MAF: variants seen among roughly 807,000 people sequenced by gnomAD.
MAF encodes the protein transcription factor Maf.
A neutral mutation model predicts 22.0 loss-of-function variants in MAF; 10 were observed. The observed-to-expected ratio is 0.45, with a 90% CI of 0.28 to 0.77. The LOEUF is 0.77. Among genes scored for constraint, MAF ranks in the 30% least tolerant of loss-of-function variants. MAF has a pLI of 0.12. For missense variants in MAF, 544 were observed against 548.4 expected (o/e 0.99, Z 0.08); for synonymous variants, 337 against 255.8 (o/e 1.32, Z -3.03).
chr16:79,225,169 G>C, the MAF span, among the ~76,000 whole-genome samples: 1 of 152,138 alleles, frequency 6.6e-6, no homozygotes, highest in African/African-American at 2.4e-5. Context: ...CAGATATATA[G>C]ATTAATGGAA....
the MAF span, among the ~76,000 whole-genome samples, chr16:79,258,166 G>A: frequency 6.6e-6 from 1 of 152,180 alleles, no homozygotes; most frequent in Non-Finnish European, 1.5e-5. Context: ...AAAGGAGGAG[G>A]AGTGAGACGC....
At chr16:79,401,351 C>G in the MAF span, among the ~76,000 whole-genome samples, 3 of 152,190 alleles carry the variant, frequency 2.0e-5, no homozygotes, top group Admixed American at 2.0e-4. Context: ...ATGGAACTCT[C>G]TCCTAGACCC....
chr16:79,479,537 T>G, the MAF span, among the ~76,000 whole-genome samples: 2,817 of 152,334 alleles, frequency 0.018, 39 homozygotes, highest in Non-Finnish European at 0.028. Flanking sequence ...ATAACTGCAT[T>G]TGCAAGGGAT....
At chr16:79,214,368 T>C in the MAF span, among the ~76,000 whole-genome samples, 1 of 152,266 alleles carries the variant, frequency 6.6e-6, no homozygotes, top group East Asian at 1.9e-4. Flanking sequence ...GGCTTTATGT[T>C]CAGGAAAATA....
chr16:79,488,765 A>G, the MAF span, among the ~76,000 whole-genome samples: 1 of 152,146 alleles, frequency 6.6e-6, no homozygotes, highest in Admixed American at 6.5e-5. Context: ...GCAGTGCACA[A>G]AGCAGCTTTC....
At chr16:79,581,589 T>C (rs749092), downstream of MAF, among the ~76,000 whole-genome samples, 6,186 of 152,304 alleles carry the variant, frequency 0.041, 419 homozygotes, top group African/African-American at 0.14. Context: ...TTCTCACCTC[T>C]ACTGCCTACC....
chr16:79,342,548 G>T, the MAF span, among the ~76,000 whole-genome samples: 1 of 151,856 alleles, frequency 6.6e-6, no homozygotes, highest in Admixed American at 6.6e-5. Context: ...AATCATCACC[G>T]TCACCATCTC....
chr16:79,326,625 C>G, the MAF span, among the ~76,000 whole-genome samples: 16 of 152,212 alleles, frequency 1.1e-4, no homozygotes, highest in Admixed American at 3.3e-4. Flanking sequence ...ATTTTAGGCT[C>G]TGTAGATCAC....
At chr16:79,408,911 A>T in the MAF span, among the ~76,000 whole-genome samples, 1 of 151,800 alleles carries the variant, frequency 6.6e-6, no homozygotes, top group African/African-American at 2.4e-5. Context: ...AGAAAAAAGA[A>T]TATTTTTATT....
chr16:79,279,132 G>A, the MAF span, among the ~76,000 whole-genome samples: 1 of 152,130 alleles, frequency 6.6e-6, no homozygotes, highest in Admixed American at 6.5e-5. Flanking sequence ...AGGAACCAGT[G>A]GCTTCAGGAA....
chr16:79,497,529 T>C, the MAF span, among the ~76,000 whole-genome samples: 7 of 152,184 alleles, frequency 4.6e-5, no homozygotes. Context: ...TCTTTTTTAA[T>C]TTGCCTTGCC....
chr16:79,320,500 A>G, the MAF span, among the ~76,000 whole-genome samples: 1 of 152,214 alleles, frequency 6.6e-6, no homozygotes, highest in Non-Finnish European at 1.5e-5. Context: ...GGGCAGCAGC[A>G]CCTGCAGATC....
chr16:79,594,574 A>C, intron 1 of MAF, 21 bp from the exon 2 acceptor site: 1 of 1,554,458 alleles, frequency 6.4e-7, no homozygotes, highest in Non-Finnish European at 8.7e-7. Flanking sequence ...AATGAAAGGA[A>C]TTTTAACACT....
the MAF span, among the ~76,000 whole-genome samples, chr16:79,344,976 G>T: frequency 1.3e-5 from 2 of 152,168 alleles, no homozygotes; most frequent in Non-Finnish European, 2.9e-5. Flanking sequence ...CCAGGCTGTT[G>T]TGTGACCTCA....
At chr16:79,259,623 C>T in the MAF span, among the ~76,000 whole-genome samples, 1 of 152,144 alleles carries the variant, frequency 6.6e-6, no homozygotes, top group Non-Finnish European at 1.5e-5. Flanking sequence ...GAGGTCTTCA[C>T]TTGATAGAAC....
the MAF span, among the ~76,000 whole-genome samples, chr16:79,315,961 T>G: frequency 6.6e-6 from 1 of 152,252 alleles, no homozygotes; most frequent in African/African-American, 2.4e-5. Flanking sequence ...GTCCTCACAA[T>G]AGCACCTGCC....
At chr16:79,573,076 C>T in the MAF span, among the ~76,000 whole-genome samples, 11 of 151,970 alleles carry the variant, frequency 7.2e-5, no homozygotes, top group Non-Finnish European at 1.5e-4. Flanking sequence ...TATTTTTTTT[C>T]CCCAAAAACT....
chr16:79,306,631 C>G, the MAF span, among the ~76,000 whole-genome samples: 1 of 152,198 alleles, frequency 6.6e-6, no homozygotes, highest in Non-Finnish European at 1.5e-5. Context: ...AAGCCATCAG[C>G]TTAGCTCTGG....
chr16:79,393,364 G>C, the MAF span, among the ~76,000 whole-genome samples: 18 of 152,348 alleles, frequency 1.2e-4, no homozygotes, highest in African/African-American at 4.1e-4. Flanking sequence ...GGGCTGGCCA[G>C]CATTCCTGAG....
Sources: allele counts gnomAD v4.1 joint callset (sites outside exome capture counted in the v4.1 genomes callset), GRCh38; gene constraint gnomAD v4.1.1; transcripts MANE v1.5; gene names NCBI Gene and HGNC (gene_info 2026-07-23, HGNC 2026-07-21).